The following UGGT2 variants were observed in gnomAD, a reference collection of about 807,000 sequenced individuals.
UGGT2 encodes UDP-glucose glycoprotein glucosyltransferase 2, also known as UDP-glucose:glycoprotein glucosyltransferase 2.
UGGT2 carries 180 observed loss-of-function variants against 192.1 expected under a neutral mutation model. The ratio of observed to expected loss-of-function variants is 0.94; its 90% CI spans 0.83 to 1.06. UGGT2 has a LOEUF of 1.06. Among genes scored for constraint, UGGT2 ranks in the 50% least tolerant of loss-of-function variants. The pLI is 0.00. For synonymous variants in UGGT2, 580 were observed against 591.0 expected (o/e 0.98, Z 0.27); for missense variants, 1,849 against 1,795.7 (o/e 1.03, Z -0.54).
intron 17 of UGGT2, among the ~76,000 whole-genome samples, chr13:95,930,489 C>A (rs1594361696): frequency 6.6e-6 from 1 of 152,198 alleles, no homozygotes; most frequent in African/African-American, 2.4e-5. Flanking sequence ...GGCTAGCCAA[C>A]TATCCTAGGA....
intron 36 of UGGT2, among the ~76,000 whole-genome samples, chr13:95,839,509 A>C (rs557623276): frequency 6.6e-6 from 1 of 152,126 alleles, no homozygotes; most frequent in Non-Finnish European, 1.5e-5. Flanking sequence ...CACTATATGA[A>C]TTTACAACAT....
intron 1 of UGGT2, among the ~76,000 whole-genome samples, chr13:96,037,600 G>A (rs886591264): frequency 2.0e-5 from 3 of 152,124 alleles, no homozygotes; most frequent in Non-Finnish European, 2.9e-5. Flanking sequence ...AAATTTCCAG[G>A]ATGAACTGAA....
At chr13:95,869,073 C>T (rs1015510210) in intron 29 of UGGT2, among the ~76,000 whole-genome samples, 1 of 141,600 alleles carries the variant, frequency 7.1e-6, no homozygotes, top group Non-Finnish European at 1.5e-5. Flanking sequence ...GTGTGATGTT[C>T]CCCTTCCTGT....
intron 12 of UGGT2, among the ~76,000 whole-genome samples, chr13:95,955,964 C>T (rs757169853): frequency 3.9e-5 from 6 of 152,128 alleles, no homozygotes; most frequent in Admixed American, 6.6e-5. Context: ...CTAATAGGGT[C>T]GCTGTGCAAA....
chr13:96,013,651 GAAAGA>G (rs1476572943), intron 4 of UGGT2, among the ~76,000 whole-genome samples, 170 bp from the exon 5 acceptor site: 1 of 151,902 alleles, frequency 6.6e-6, no homozygotes, highest in East Asian at 1.9e-4. Flanking sequence ...TGACAGAAAA[GAAAGA>G]AAAGAATTTG....
chr13:95,909,658 C>T (rs966909092), intron 20 of UGGT2, among the ~76,000 whole-genome samples: 11 of 146,690 alleles, frequency 7.5e-5, no homozygotes, highest in African/African-American at 1.5e-4. Context: ...TGCTAGATGA[C>T]GAGTTAGTGG....
chr13:95,963,618 A>G (rs531514221), intron 12 of UGGT2, among the ~76,000 whole-genome samples: 2 of 152,316 alleles, frequency 1.3e-5, no homozygotes, highest in South Asian at 4.1e-4. Flanking sequence ...TGCACACAAC[A>G]TGATTGTATA....
At chr13:95,884,079 A>AAAC (rs1423884069) in intron 27 of UGGT2, among the ~76,000 whole-genome samples, 2 of 147,044 alleles carry the variant, frequency 1.4e-5, no homozygotes, top group Admixed American at 1.4e-4. Context: ...AAAAAAAAAA[A>AAAC]AAAAAAACCA....
chr13:95,814,806 T>C (rs907834152), intron 38 of UGGT2, among the ~76,000 whole-genome samples: 3 of 152,074 alleles, frequency 2.0e-5, no homozygotes, highest in Non-Finnish European at 4.4e-5. Flanking sequence ...ATATTCTCCA[T>C]GAACACAGAT....
At chr13:95,887,399 G>A in intron 26 of UGGT2, 1 of 453,438 alleles carries the variant, frequency 2.2e-6, no homozygotes, top group Non-Finnish European at 4.4e-6. Flanking sequence ...CCCCTCTTGA[G>A]AGAGAATGTT....
chr13:96,002,706 T>C (rs1246919081), intron 5 of UGGT2, among the ~76,000 whole-genome samples: 1 of 152,170 alleles, frequency 6.6e-6, no homozygotes, highest in African/African-American at 2.4e-5. Context: ...CTCAAAATTA[T>C]ACAATGAACA....
intron 12 of UGGT2, among the ~76,000 whole-genome samples, chr13:95,959,876 C>T (rs1351700351): frequency 6.6e-6 from 1 of 152,178 alleles, no homozygotes; most frequent in African/African-American, 2.4e-5. Flanking sequence ...GCTCAACCCA[C>T]CATCGCCACC....
intron 6 of UGGT2, 46 bp from the exon 7 acceptor site, chr13:95,996,181 A>G: frequency 6.5e-7 from 1 of 1,532,684 alleles, no homozygotes; most frequent in Non-Finnish European, 9.0e-7. Context: ...ATATTTTCAG[A>G]CTGGGAAAAG....
intron 26 of UGGT2, chr13:95,887,419 G>C (rs980042630): frequency 4.7e-6 from 2 of 425,170 alleles, no homozygotes; most frequent in Non-Finnish European, 9.5e-6. Context: ...TATTTCAACA[G>C]AAGAGTGTTA....
At chr13:95,820,834 TATAAATGAGAAC>T (rs2139794541) in intron 38 of UGGT2, among the ~76,000 whole-genome samples, 1 of 152,230 alleles carries the variant, frequency 6.6e-6, no homozygotes, top group African/African-American at 2.4e-5. Flanking sequence ...AGCTCTCACT[TATAAATGAGAAC>T]ATACGGTATT....
At chr13:95,884,378 A>G in intron 27 of UGGT2, 113 bp downstream of exon 27, 1 of 889,998 alleles carries the variant, frequency 1.1e-6, no homozygotes, top group Non-Finnish European at 1.5e-6. Context: ...AATCATAAAA[A>G]AGAATATTCT....
intron 17 of UGGT2, among the ~76,000 whole-genome samples, chr13:95,928,167 T>C (rs1229072770): frequency 2.0e-5 from 3 of 152,230 alleles, no homozygotes; most frequent in Non-Finnish European, 4.4e-5. Context: ...CCGTTCTCAA[T>C]GAGCTGTTGG....
At chr13:95,887,295 A>G (rs757131732) in intron 26 of UGGT2, 21 of 516,624 alleles carry the variant, frequency 4.1e-5, no homozygotes, top group Admixed American at 2.9e-4. Flanking sequence ...CCAATGACAC[A>G]TGAAGGAGAA....
At chr13:95,807,514 T>C (rs1310527501) in intron 38 of UGGT2, among the ~76,000 whole-genome samples, 1 of 152,184 alleles carries the variant, frequency 6.6e-6, no homozygotes, top group Non-Finnish European at 1.5e-5. Context: ...AAAGCAGTCT[T>C]TAATAATTGG....
Sources: allele counts gnomAD v4.1 joint callset (sites outside exome capture counted in the v4.1 genomes callset), GRCh38; gene constraint gnomAD v4.1.1; transcripts MANE v1.5; gene names NCBI Gene and HGNC (gene_info 2026-07-23, HGNC 2026-07-21).